Variants in TAFA1 observed in about 807,000 individuals in gnomAD.
TAFA1 encodes the protein TAFA chemokine like family member 1, also known as chemokine-like protein TAFA-1.
In TAFA1, 4 loss-of-function variants were observed where a neutral mutation model predicts 18.5. The observed-to-expected ratio is 0.22, with a 90% confidence interval of 0.11 to 0.49. TAFA1 has a LOEUF of 0.49. TAFA1 is among the 20% of genes least tolerant of loss of function. The pLI is 0.98. For missense variants in TAFA1, 147 were observed against 169.0 expected, an observed-to-expected ratio of 0.87 and a Z score of 0.72; for synonymous variants, 56 against 55.2, an observed-to-expected ratio of 1.01 and a Z score of -0.06.
intron 2 of TAFA1, among the ~76,000 whole-genome samples, chr3:68,092,409 G>A (rs1429355646): frequency 6.6e-6 from 1 of 152,010 alleles, no homozygotes; most frequent in Non-Finnish European, 1.5e-5. Context: ...TAGAGAAAAA[G>A]GTTCTGAGAA....
chr3:68,135,638 C>T (rs2106890979), intron 2 of TAFA1, among the ~76,000 whole-genome samples: 1 of 152,292 alleles, frequency 6.6e-6, no homozygotes, highest in East Asian at 1.9e-4. Flanking sequence ...GCTTGTAATA[C>T]AATAGATGCT....
intron 2 of TAFA1, among the ~76,000 whole-genome samples, chr3:68,198,036 G>A (rs1281391580): frequency 3.3e-5 from 5 of 151,662 alleles, no homozygotes; most frequent in Non-Finnish European, 5.9e-5. Context: ...TTTAATGAAT[G>A]AATGAATTGG....
intron 2 of TAFA1, among the ~76,000 whole-genome samples, chr3:68,026,004 A>G (rs1050250351): frequency 6.6e-6 from 1 of 152,192 alleles, no homozygotes; most frequent in Non-Finnish European, 1.5e-5. Flanking sequence ...GGGCAAAAAG[A>G]AGGCTCTTAA....
intron 2 of TAFA1, among the ~76,000 whole-genome samples, chr3:68,202,791 T>C (rs1383340659): frequency 6.6e-6 from 1 of 151,770 alleles, no homozygotes; most frequent in Non-Finnish European, 1.5e-5. Context: ...TATGAGCATA[T>C]GTAATTGATA....
chr3:68,323,175 G>A, intron 2 of TAFA1, among the ~76,000 whole-genome samples: 1 of 152,210 alleles, frequency 6.6e-6, no homozygotes, highest in Non-Finnish European at 1.5e-5. Context: ...GTATGACCAG[G>A]GCTGTCTGCC....
chr3:68,492,089 A>C (rs950948586), intron 3 of TAFA1, among the ~76,000 whole-genome samples: 1 of 152,218 alleles, frequency 6.6e-6, no homozygotes, highest in Non-Finnish European at 1.5e-5. Context: ...GTACATAAAA[A>C]ATTAAAACAT....
At chr3:68,143,961 T>G (rs1308489780) in intron 2 of TAFA1, among the ~76,000 whole-genome samples, 2 of 152,046 alleles carry the variant, frequency 1.3e-5, no homozygotes, top group East Asian at 3.9e-4. Context: ...ATGCTCTTTA[T>G]GTCAGCAGGA....
chr3:68,334,750 C>A (rs188374624), intron 2 of TAFA1, among the ~76,000 whole-genome samples: 1 of 152,170 alleles, frequency 6.6e-6, no homozygotes, highest in African/African-American at 2.4e-5. Context: ...ATGTCTGAGG[C>A]AAGTCATTGA....
intron 2 of TAFA1, among the ~76,000 whole-genome samples, chr3:68,117,315 A>G (rs966364996): frequency 7.2e-5 from 11 of 152,196 alleles, no homozygotes; most frequent in South Asian, 2.1e-4. Flanking sequence ...ATTACATACT[A>G]TGAGATTTTT....
chr3:68,075,761 A>G (rs919026839), intron 2 of TAFA1, among the ~76,000 whole-genome samples: 38 of 150,956 alleles, frequency 2.5e-4, no homozygotes, highest in African/African-American at 8.8e-4. Flanking sequence ...CAGTGGTACA[A>G]TCTTGGCTCA....
At chr3:68,162,505 C>T (rs1045325473) in intron 2 of TAFA1, among the ~76,000 whole-genome samples, 2 of 152,170 alleles carry the variant, frequency 1.3e-5, no homozygotes, top group Admixed American at 6.5e-5. Context: ...CAGTGCCTGT[C>T]TATGGCCCAG....
intron 3 of TAFA1, among the ~76,000 whole-genome samples, chr3:68,505,995 C>T (rs1309188070): frequency 4.0e-5 from 6 of 151,854 alleles, no homozygotes; most frequent in African/African-American, 1.5e-4. Context: ...CCCATCAACC[C>T]GTCATCTACA....
chr3:68,378,581 G>A lies in TAFA1; in HGVS notation c.119-38699G>A, dbSNP rs567229768. 5.9e-5 allele frequency among the ~76,000 whole-genome samples: 9 copies of A among 152,300 alleles called. No individual in the cohort carries two copies. The South Asian group carries it at 1.9e-3, about 32-fold the overall frequency. On this transcript the variant is annotated intron_variant, in intron 2 of 4. Transcript: ENST00000478136. ...TAATGCAGGAATGAGTTAAGACTTTGAGGACTGTTGGGAAGGCATGACTGG... is the reference window on the plus strand; with the variant it reads ...TAATGCAGGAATGAGTTAAGACTTTAAGGACTGTTGGGAAGGCATGACTGG...
At chr3:68,190,413 T>G (rs1319071601) in intron 2 of TAFA1, among the ~76,000 whole-genome samples, 2 of 151,914 alleles carry the variant, frequency 1.3e-5, no homozygotes, top group Non-Finnish European at 2.9e-5. Context: ...TGACTTTCAT[T>G]GTTCATTTTA....
chr3:68,319,700 C>G (rs989212031), intron 2 of TAFA1, among the ~76,000 whole-genome samples: 23 of 152,144 alleles, frequency 1.5e-4, no homozygotes, highest in Non-Finnish European at 1.0e-4. Flanking sequence ...TGTCCCCATC[C>G]CAAAATGAAT....
At chr3:68,153,142 C>T (rs1270152481) in intron 2 of TAFA1, among the ~76,000 whole-genome samples, 1 of 152,058 alleles carries the variant, frequency 6.6e-6, no homozygotes, top group African/African-American at 2.4e-5. Flanking sequence ...ATCATTTTCC[C>T]CTAGGTGACT....
intron 2 of TAFA1, among the ~76,000 whole-genome samples, chr3:68,201,160 T>C: frequency 6.6e-6 from 1 of 151,776 alleles, no homozygotes; most frequent in East Asian, 1.9e-4. Context: ...GAATGTATTG[T>C]TTAATCTCCA....
At chr3:68,085,411 C>T (rs569163019) in intron 2 of TAFA1, among the ~76,000 whole-genome samples, 12 of 152,256 alleles carry the variant, frequency 7.9e-5, no homozygotes, top group Non-Finnish European at 1.8e-4. Flanking sequence ...GAATAACTTG[C>T]AGGGTTAGTG....
At chr3:68,315,790 C>G (rs1160331076) in intron 2 of TAFA1, among the ~76,000 whole-genome samples, 1 of 152,148 alleles carries the variant, frequency 6.6e-6, no homozygotes, top group Non-Finnish European at 1.5e-5. Flanking sequence ...TTGACAGATG[C>G]CTTCCATGTT....
Sources: gnomAD v4.1 joint callset for allele counts (sites outside exome capture counted in the v4.1 genomes callset) on GRCh38, gnomAD v4.1.1 for gene constraint, MANE v1.5 for transcripts, NCBI Gene and HGNC (gene_info 2026-07-23, HGNC 2026-07-21) for gene names.